Variants in SHISA9 observed in about 807,000 individuals in gnomAD.
SHISA9 encodes shisa family member 9.
A neutral mutation model predicts 38.0 loss-of-function variants in SHISA9; 13 were observed. The ratio of observed to expected loss-of-function variants is 0.34; its 90% CI spans 0.22 to 0.54. The LOEUF is 0.54. Among genes scored for constraint, SHISA9 ranks in the 20% least tolerant of loss-of-function variants. The probability of loss-of-function intolerance (pLI) is 0.91; values close to 1 mark genes in which losing one functional copy is unlikely to be tolerated. For synonymous variants in SHISA9, 275 were observed against 242.0 expected (o/e 1.14, Z -1.27); for missense variants, 538 against 575.8 (o/e 0.93, Z 0.67).
intron 2 of SHISA9, among the ~76,000 whole-genome samples, chr16:13,136,294 A>T (rs2050347333): frequency 6.6e-6 from 1 of 152,068 alleles, no homozygotes. Context: ...TTTTATAAAT[A>T]AAAATTTCTT....
chr16:13,302,651 G>A, the SHISA9 span, among the ~76,000 whole-genome samples: 1 of 152,102 alleles, frequency 6.6e-6, no homozygotes, highest in Non-Finnish European at 1.5e-5. Context: ...TATCCCCCAG[G>A]AATGGCCACG....
chr16:13,501,051 A>T, the SHISA9 span, among the ~76,000 whole-genome samples: 1 of 152,154 alleles, frequency 6.6e-6, no homozygotes, highest in Non-Finnish European at 1.5e-5. Context: ...GACAGTAGAG[A>T]GTGCTCAACA....
chr16:13,086,004 G>C (rs1234166939), intron 2 of SHISA9, among the ~76,000 whole-genome samples: 1 of 152,058 alleles, frequency 6.6e-6, no homozygotes, highest in Non-Finnish European at 1.5e-5. Flanking sequence ...CAAGAGTATT[G>C]TTTAAAGAAA....
chr16:13,419,464 T>G, the SHISA9 span, among the ~76,000 whole-genome samples: 1 of 152,220 alleles, frequency 6.6e-6, no homozygotes, highest in Non-Finnish European at 1.5e-5. Flanking sequence ...AAACAACTCA[T>G]AAGAACAACT....
intron 2 of SHISA9, among the ~76,000 whole-genome samples, chr16:13,129,358 C>G (rs2050287992): frequency 1.3e-5 from 2 of 152,192 alleles, no homozygotes; most frequent in South Asian, 4.1e-4. Flanking sequence ...CCTCTGGCTC[C>G]ACTATTCTCC....
At chr16:13,360,392 G>C in the SHISA9 span, among the ~76,000 whole-genome samples, 105 of 152,258 alleles carry the variant, frequency 6.9e-4, no homozygotes, top group African/African-American at 2.5e-3. Flanking sequence ...AATCCCTACA[G>C]ATACTGGGAG....
chr16:12,952,596 T>C (rs1232982565), intron 2 of SHISA9, among the ~76,000 whole-genome samples: 1 of 152,146 alleles, frequency 6.6e-6, no homozygotes, highest in Non-Finnish European at 1.5e-5. Flanking sequence ...TGGGAGGTGA[T>C]TGGATCATGG....
chr16:13,260,585 C>T, the SHISA9 span, among the ~76,000 whole-genome samples: 2 of 152,170 alleles, frequency 1.3e-5, no homozygotes, highest in African/African-American at 4.8e-5. Context: ...TCATCATCTC[C>T]ATCTGAGACC....
chr16:13,359,096 G>GTGCAGTTTTAGATTC, the SHISA9 span, among the ~76,000 whole-genome samples: 2 of 151,756 alleles, frequency 1.3e-5, no homozygotes, highest in Non-Finnish European at 2.9e-5. Flanking sequence ...GAAGAAGAAT[G>GTGCAGTTTTAGATTC]TCCAGTTTTA....
intron 2 of SHISA9, among the ~76,000 whole-genome samples, chr16:13,136,110 T>C (rs1198867971): frequency 6.6e-6 from 1 of 152,198 alleles, no homozygotes; most frequent in African/African-American, 2.4e-5. Flanking sequence ...TCTCTCTTGA[T>C]GTCTCTGTTT....
chr16:13,028,509 AC>A (rs1255745406), intron 2 of SHISA9, among the ~76,000 whole-genome samples: 1 of 151,720 alleles, frequency 6.6e-6, no homozygotes, highest in African/African-American at 2.4e-5. Flanking sequence ...GAAAGGGGAG[AC>A]CCCTTATAAA....
chr16:13,281,515 A>G, the SHISA9 span, among the ~76,000 whole-genome samples: 7,563 of 142,632 alleles, frequency 0.053, 203 homozygotes, highest in Middle Eastern at 0.065. Flanking sequence ...TAAGTCAACT[A>G]TTTTTCTGGT....
At position 13,236,447 on chromosome 16, in the gene SHISA9, C is replaced by T. The variant is rs1232760168; in HGVS notation, c.*1038C>T. The stretch of plus-strand genomic sequence containing the variant: ...CCAAGACCTGAAACAGCCACAGAAA[C>T]AAGTCCTCTATAAACTGTATGTCCC... On this transcript the variant is annotated 3_prime_UTR_variant, in exon 5 of 5. Coordinates refer to ENST00000558583, the MANE Select transcript of SHISA9 (RefSeq NM_001145204.3). 1 of 152,142 alleles carries T rather than the reference C, an allele frequency of 6.6e-6. No homozygotes were observed. Among genetic ancestry groups the T allele is most frequent in the Non-Finnish European group, 1.5e-5 (1 of 68,028 alleles). The allele number at this position is 152,142 out of a possible 1,614,324, so 9.4% of individuals were successfully genotyped here.
At chr16:12,919,996 G>C (rs1424210116) in intron 2 of SHISA9, among the ~76,000 whole-genome samples, 1 of 152,156 alleles carries the variant, frequency 6.6e-6, no homozygotes. Context: ...CGACTTCCCT[G>C]ACTGCCAGTG....
At chr16:13,419,910 C>A in the SHISA9 span, among the ~76,000 whole-genome samples, 1 of 152,128 alleles carries the variant, frequency 6.6e-6, no homozygotes, top group Non-Finnish European at 1.5e-5. Context: ...TTAGTGAAAT[C>A]TACACTGCGT....
the SHISA9 span, among the ~76,000 whole-genome samples, chr16:13,273,624 G>A: frequency 6.6e-6 from 1 of 152,086 alleles, no homozygotes; most frequent in Non-Finnish European, 1.5e-5. Flanking sequence ...GCCCAGTATT[G>A]GGTATGTCTT....
At chr16:13,030,919 G>C (rs997737970) in intron 2 of SHISA9, among the ~76,000 whole-genome samples, 4 of 152,198 alleles carry the variant, frequency 2.6e-5, no homozygotes, top group African/African-American at 9.6e-5. Context: ...TTGAGTGATT[G>C]ATTATCCTGG....
At chr16:12,974,669 A>G (rs1414005817) in intron 2 of SHISA9, among the ~76,000 whole-genome samples, 4 of 151,498 alleles carry the variant, frequency 2.6e-5, no homozygotes, top group Non-Finnish European at 4.4e-5. Flanking sequence ...TTATTAGTAG[A>G]GCGGGGTTTT....
At chr16:13,414,160 T>G in the SHISA9 span, among the ~76,000 whole-genome samples, 2 of 152,220 alleles carry the variant, frequency 1.3e-5, no homozygotes, top group Non-Finnish European at 2.9e-5. Flanking sequence ...TACTAAAATA[T>G]GTATACAGTT....
Sources: gnomAD v4.1 joint callset for allele counts (sites outside exome capture counted in the v4.1 genomes callset) on GRCh38, gnomAD v4.1.1 for gene constraint, MANE v1.5 for transcripts, NCBI Gene and HGNC (gene_info 2026-07-23, HGNC 2026-07-21) for gene names.